FSHR: variants seen among roughly 807,000 people sequenced by gnomAD.
The protein encoded by FSHR is follicle stimulating hormone receptor.
In FSHR, 46 loss-of-function variants were observed where a neutral mutation model predicts 52.1. The observed-to-expected ratio is 0.88, with a 90% CI of 0.70 to 1.13. FSHR has a LOEUF of 1.13. FSHR is among the 50% of genes most tolerant of loss of function. The probability of loss-of-function intolerance (pLI) is 0.00; values close to 1 mark genes in which losing one functional copy is unlikely to be tolerated. For missense variants in FSHR, 964 were observed against 834.6 expected (o/e 1.16, Z -1.91); for synonymous variants, 399 against 309.6 (o/e 1.29, Z -3.03).
chr2:49,111,043 C>T (rs1162134648), intron 1 of FSHR, among the ~76,000 whole-genome samples: 3 of 152,140 alleles, frequency 2.0e-5, no homozygotes, highest in Non-Finnish European at 1.5e-5. Context: ...TTATGTATGG[C>T]CTGTGGCCAT....
chr2:49,115,698 T>C (rs1288127189), intron 1 of FSHR, among the ~76,000 whole-genome samples: 1 of 152,194 alleles, frequency 6.6e-6, no homozygotes, highest in Non-Finnish European at 1.5e-5. Context: ...CATGATCTAC[T>C]GGCTCTGTTG....
chr2:49,075,867 T>C (rs1182509217), intron 1 of FSHR, among the ~76,000 whole-genome samples: 1 of 152,106 alleles, frequency 6.6e-6, no homozygotes, highest in African/African-American at 2.4e-5. Flanking sequence ...CTTCAACTCC[T>C]TGGCTGGAGT....
At chr2:49,021,886 T>TATATATATATAGAGAG (rs1273265515) in intron 2 of FSHR, among the ~76,000 whole-genome samples, 17 of 25,116 alleles carry the variant, frequency 6.8e-4, no homozygotes, top group Non-Finnish European at 9.5e-4. Flanking sequence ...TATATATATA[T>TATATATATATAGAGAG]AGAGAGAGAG....
intron 2 of FSHR, among the ~76,000 whole-genome samples, chr2:49,038,434 A>G (rs1217592107): frequency 6.6e-6 from 1 of 151,892 alleles, no homozygotes; most frequent in Non-Finnish European, 1.5e-5. Flanking sequence ...ATCCTGGCTA[A>G]CACGGTGAAA....
chr2:49,018,340 C>T (rs1313596974), intron 3 of FSHR, among the ~76,000 whole-genome samples: 1 of 152,150 alleles, frequency 6.6e-6, no homozygotes, highest in African/African-American at 2.4e-5. Flanking sequence ...CTTTCCTTGT[C>T]TTGCTGGATC....
At chr2:48,995,391 GA>G (rs1249673245) in intron 4 of FSHR, among the ~76,000 whole-genome samples, 1 of 151,982 alleles carries the variant, frequency 6.6e-6, no homozygotes, top group Admixed American at 6.6e-5. Context: ...ATAGGAAGAG[GA>G]AAAAAGTCAA....
intron 1 of FSHR, among the ~76,000 whole-genome samples, chr2:49,141,637 A>C (rs930593250): frequency 6.6e-6 from 1 of 152,094 alleles, no homozygotes; most frequent in Admixed American, 6.5e-5. Flanking sequence ...CATCCAAACT[A>C]TGTCGCCAAC....
chr2:49,154,118 G>T, intron 1 of FSHR, 148 bp downstream of exon 1: 1 of 813,094 alleles, frequency 1.2e-6, no homozygotes, highest in Non-Finnish European at 2.1e-6. Flanking sequence ...GGAGGGTTGG[G>T]CTGGGGAGTT....
Position 49,130,782 on chromosome 2 carries a change from G to T in FSHR, c.152+23484C>A, listed in dbSNP as rs1468582880. ...TGAAATGTACTTCTGATTTCTAAAT[G>T]GTTCTAATTATTCCCTACTGGTGAG... On this transcript the variant is annotated intron_variant, in intron 1 of 9. Transcript: ENST00000406846. Among the ~76,000 whole-genome samples, 2 of 152,156 alleles carry T rather than the reference G, an allele frequency of 1.3e-5. 1 individual carries two copies. The highest frequency in any genetic ancestry group is 2.9e-5 in the Non-Finnish European group (2 of 68,022).
chr2:49,024,145 A>G (rs1359305803), intron 2 of FSHR, among the ~76,000 whole-genome samples: 1 of 152,190 alleles, frequency 6.6e-6, no homozygotes, highest in Non-Finnish European at 1.5e-5. Flanking sequence ...AGAACTGAAG[A>G]GCTGTGACCA....
chr2:49,144,416 T>A (rs1352185392), intron 1 of FSHR, among the ~76,000 whole-genome samples: 2 of 152,124 alleles, frequency 1.3e-5, no homozygotes, highest in African/African-American at 2.4e-5. Context: ...TTCTAGTATT[T>A]GTTTGGGGGA....
chr2:49,133,665 A>C (rs1029960050), intron 1 of FSHR, among the ~76,000 whole-genome samples: 26 of 152,202 alleles, frequency 1.7e-4, no homozygotes, highest in Admixed American at 3.3e-4. Flanking sequence ...CTGACTTCAA[A>C]CTATACTATA....
chr2:49,119,596 C>T (rs1671730928), intron 1 of FSHR, among the ~76,000 whole-genome samples: 1 of 152,088 alleles, frequency 6.6e-6, no homozygotes, highest in African/African-American at 2.4e-5. Flanking sequence ...TCTGTTATCA[C>T]TGAATTATCT....
intron 1 of FSHR, among the ~76,000 whole-genome samples, chr2:49,118,036 G>T (rs909368644): frequency 6.6e-6 from 1 of 152,188 alleles, no homozygotes; most frequent in Non-Finnish European, 1.5e-5. Flanking sequence ...ATTTAAAGGT[G>T]TCTGGGCCTA....
chr2:49,128,777 A>T (rs1672156668), intron 1 of FSHR, among the ~76,000 whole-genome samples: 1 of 152,136 alleles, frequency 6.6e-6, no homozygotes, highest in Non-Finnish European at 1.5e-5. Context: ...GACACAGATG[A>T]GTGGCATCTC....
At position 49,053,541 on chromosome 2, in the gene FSHR, CAG is replaced by C. The variant is rs80263253; in HGVS notation, c.224+14676_224+14677del. Among the ~76,000 whole-genome samples the C allele has an allele frequency of 7.0e-4, 107 of 152,230 alleles. 1 individual carries two copies. The East Asian group carries it at 0.019, about 27-fold the overall frequency. On this transcript the variant is annotated intron_variant, in intron 2 of 9. Transcript: ENST00000406846. ...CACTTTGCAAAGCCACTTCATGTTG[CAG>C]AGAGTTTAATGATTTCTTTTTTCCC...
intron 2 of FSHR, among the ~76,000 whole-genome samples, chr2:49,046,657 TGCTCACA>T (rs1185090147): frequency 3.3e-5 from 5 of 152,232 alleles, no homozygotes; most frequent in African/African-American, 1.2e-4. Flanking sequence ...TCATCTTTAT[TGCTCACA>T]GCATCTATCA....
chr2:49,104,896 AGAG>A (rs1671169082), intron 1 of FSHR, among the ~76,000 whole-genome samples: 1 of 152,120 alleles, frequency 6.6e-6, no homozygotes, highest in Non-Finnish European at 1.5e-5. Flanking sequence ...CCTGTGACAG[AGAG>A]GAGACCACCC....
chr2:49,089,165 G>T (rs902140832), intron 1 of FSHR, among the ~76,000 whole-genome samples: 1 of 150,490 alleles, frequency 6.6e-6, no homozygotes, highest in African/African-American at 2.5e-5. Flanking sequence ...AATCTTCGTG[G>T]TGATAACCGG....
Sources: gnomAD v4.1 joint callset for allele counts (sites outside exome capture counted in the v4.1 genomes callset) on GRCh38, gnomAD v4.1.1 for gene constraint, MANE v1.5 for transcripts, NCBI Gene and HGNC (gene_info 2026-07-23, HGNC 2026-07-21) for gene names.